TFDP1: variants seen among roughly 807,000 people sequenced by gnomAD.
TFDP1 encodes transcription factor Dp-1, also known as DRTF1-polypeptide 1.
TFDP1 carries 6 observed loss-of-function variants against 48.0 expected under a neutral mutation model. That is an observed-to-expected ratio of 0.13 (90% CI 0.07 to 0.25). The LOEUF (loss-of-function observed/expected upper bound fraction) is 0.25. Among genes scored for constraint, TFDP1 ranks in the 10% least tolerant of loss-of-function variants. The pLI is 1.00. For missense variants in TFDP1, 335 were observed against 543.0 expected (o/e 0.62, Z 3.81); for synonymous variants, 201 against 211.6 (o/e 0.95, Z 0.44).
intron 11 of TFDP1, among the ~76,000 whole-genome samples, chr13:113,639,778 C>T (rs4150822): frequency 5.3e-5 from 8 of 152,252 alleles, no homozygotes; most frequent in East Asian, 1.9e-4. Flanking sequence ...GTGAAAGTCC[C>T]GGAGGGAGGG....
At position 113,626,362 on chromosome 13, in the gene TFDP1, C is replaced by T. The variant is rs557226201; in HGVS notation, c.186+3076C>T. ...ATTTTATATGCATTCCTGCTATTTCCGTTTATTTAAATATGCTTGAAATTC... is the reference window on the plus strand; with the variant it reads ...ATTTTATATGCATTCCTGCTATTTCTGTTTATTTAAATATGCTTGAAATTC... On this transcript the variant is annotated intron_variant, in intron 4 of 11. Transcript: ENST00000375370. Among the ~76,000 whole-genome samples, 24 of 152,238 alleles carry T rather than the reference C, an allele frequency of 1.6e-4. No individual in the cohort carries two copies. In the East Asian group the frequency reaches 3.3e-3, roughly 21 times the overall value.
At chr13:113,613,153 A>G (rs1391840464) in intron 3 of TFDP1, among the ~76,000 whole-genome samples, 1 of 152,116 alleles carries the variant, frequency 6.6e-6, no homozygotes, top group East Asian at 1.9e-4. Context: ...AGTAGCTGGG[A>G]TTAGAGGTGC....
At chr13:113,611,788 G>A (rs1365109312) in intron 3 of TFDP1, among the ~76,000 whole-genome samples, 1 of 151,404 alleles carries the variant, frequency 6.6e-6, no homozygotes. Context: ...ATCTGGGATT[G>A]CGTGCAGGGT....
chr13:113,601,484 C>T (rs1052423278), intron 2 of TFDP1, among the ~76,000 whole-genome samples: 2 of 152,228 alleles, frequency 1.3e-5, no homozygotes, highest in African/African-American at 2.4e-5. Flanking sequence ...CTTGAGGCCA[C>T]CCTCACCCTC....
At chr13:113,605,799 A>G (rs1265353286) in intron 2 of TFDP1, among the ~76,000 whole-genome samples, 1 of 152,090 alleles carries the variant, frequency 6.6e-6, no homozygotes, top group Non-Finnish European at 1.5e-5. Context: ...AGAAGGTGGC[A>G]CGGTGGTGAG....
chr13:113,584,792 C>G lies in TFDP1; in HGVS notation c.-161C>G, dbSNP rs2047952436. Reference sequence around the variant, plus strand: ...AGGGACCCCGCCACGGCCGGGACCGCCCGGCCCGGCCCCAGCCCGCGCCTC... The same window carrying G: ...AGGGACCCCGCCACGGCCGGGACCGGCCGGCCCGGCCCCAGCCCGCGCCTC... On this transcript the variant is annotated 5_prime_UTR_variant, in exon 1 of 12. Coordinates refer to ENST00000375370, the MANE Select transcript of TFDP1 (RefSeq NM_007111.5). 6.8e-6 allele frequency: 1 copy of G among 146,306 alleles called. No individual in the cohort carries two copies. The highest frequency in any genetic ancestry group is 1.5e-5 in the Non-Finnish European group (1 of 65,854). 9.1% of individuals were successfully genotyped at this position (146,306 alleles called of 1,614,324 possible). A position where few individuals can be genotyped will look rare whatever the true frequency, so the allele number is the denominator to read the frequency against.
At chr13:113,628,315 A>T (rs1379076688) in intron 4 of TFDP1, among the ~76,000 whole-genome samples, 1 of 149,152 alleles carries the variant, frequency 6.7e-6, no homozygotes, top group Non-Finnish European at 1.5e-5. Flanking sequence ...GGAGCCATGT[A>T]GACTGTGTCT....
At chr13:113,624,368 C>T (rs1267495206) in intron 4 of TFDP1, among the ~76,000 whole-genome samples, 1 of 151,532 alleles carries the variant, frequency 6.6e-6, no homozygotes, top group Non-Finnish European at 1.5e-5. Context: ...CAGGCATCCT[C>T]ACGTGTCCCC....
rs200455628 is a variant in TFDP1, at chr13:113,611,027, A to G, written c.44A>G (p.Lys15Arg). Residue 15 changes from lysine (K) to arginine (R), a missense_variant, in exon 3 of 12, where the codon AAG becomes AGG. Lys to Arg is a conservative substitution (Grantham distance 26). Around this residue, in one of 3 missense-constraint regions of TFDP1, gnomAD observed 103 missense variants for 140.4 expected, o/e 0.73. Coordinates refer to ENST00000375370, the MANE Select transcript of TFDP1 (RefSeq NM_007111.5). Reference sequence around the variant, plus strand: ...CTAATTGAAGCCAACGGAGAACTCAAGGTCTTCATAGACCAGAACCTTAGT... The same window carrying G: ...CTAATTGAAGCCAACGGAGAACTCAGGGTCTTCATAGACCAGAACCTTAGT... ...AGLIEANGEL[K>R]VFIDQNLSPG... 14 of 1,614,184 alleles carry G rather than the reference A, an allele frequency of 8.7e-6. No individual in the cohort carries two copies. The highest frequency in any genetic ancestry group is 2.7e-5 in the African/African-American group (2 of 75,054).
At chr13:113,618,926 A>G (rs964762173) in intron 3 of TFDP1, among the ~76,000 whole-genome samples, 5 of 152,208 alleles carry the variant, frequency 3.3e-5, no homozygotes, top group Non-Finnish European at 7.3e-5. Context: ...AAAAACAATC[A>G]TTTATAGCCT....
chr13:113,597,796 G>A (rs2048322306), intron 2 of TFDP1, among the ~76,000 whole-genome samples: 1 of 152,238 alleles, frequency 6.6e-6, no homozygotes, highest in Admixed American at 6.5e-5. Context: ...TGTCCAATGT[G>A]AGGGCTCTGA....
At position 113,623,765 on chromosome 13, in the gene TFDP1, G is replaced by A. The variant is rs2049052227; in HGVS notation, c.186+479G>A. Among the ~76,000 whole-genome samples, 1 of 152,180 alleles carries A rather than the reference G, an allele frequency of 6.6e-6. No homozygotes were observed. Among genetic ancestry groups the A allele is most frequent in the Non-Finnish European group, 1.5e-5 (1 of 68,022 alleles). On this transcript the variant is annotated intron_variant, in intron 4 of 11. Transcript: ENST00000375370. The surrounding 1 kb of genome is among the most constrained non-coding windows in gnomAD (Gnocchi z 5.2). ...TGACAGGGCAGATGCTGCTCCCTTG[G>A]CCACGCACAGGAGAGGGGAAGGTGG...
chr13:113,619,470 CA>C (rs950584099), intron 3 of TFDP1, among the ~76,000 whole-genome samples: 4 of 63,318 alleles, frequency 6.3e-5, no homozygotes, highest in African/African-American at 1.7e-4. Context: ...GACTCCATCT[CA>C]AAAAAAAAAC....
intron 2 of TFDP1, among the ~76,000 whole-genome samples, chr13:113,589,963 G>A (rs74116241): frequency 0.033 from 5,088 of 152,310 alleles, 259 homozygotes; most frequent in African/African-American, 0.11. Context: ...AAGTTTGTAA[G>A]TGGGAAGGCA....
intron 3 of TFDP1, among the ~76,000 whole-genome samples, chr13:113,612,806 T>C (rs920704110): frequency 3.9e-5 from 6 of 152,228 alleles, no homozygotes; most frequent in African/African-American, 1.4e-4. Context: ...AGGAACATAT[T>C]CTGCATTCAT....
chr13:113,636,474 C>T (rs566544858), intron 9 of TFDP1, 60 bp from the exon 10 acceptor site: 2 of 1,581,532 alleles, frequency 1.3e-6, no homozygotes, highest in East Asian at 2.2e-5. Flanking sequence ...TGGCTCCACC[C>T]CAGTGTGTAC....
rs147496697 is a variant in TFDP1 at position 113,621,617 on chromosome 13, G to A, written c.80-1563G>A. Among the ~76,000 whole-genome samples, 4 of 152,378 alleles carry A rather than the reference G, an allele frequency of 2.6e-5. No homozygotes were observed. In the East Asian group the frequency reaches 5.8e-4, roughly 22 times the overall value. Reference sequence around the variant, plus strand: ...AGGAGCTGAGGGGACATAGTGAGGAGTGACCAGAAGACGAGTGCGAGCCTT... The same window carrying A: ...AGGAGCTGAGGGGACATAGTGAGGAATGACCAGAAGACGAGTGCGAGCCTT... On this transcript the variant is annotated intron_variant, in intron 3 of 11. Transcript: ENST00000375370.
At chr13:113,636,846 A>AG in intron 10 of TFDP1, 146 bp downstream of exon 10, 1 of 991,772 alleles carries the variant, frequency 1.0e-6, no homozygotes, top group Non-Finnish European at 1.4e-6. Flanking sequence ...AGGGGCTGTG[A>AG]GGGGGATGAG....
chr13:113,619,470 C>CAAA (rs950584099), intron 3 of TFDP1, among the ~76,000 whole-genome samples: 16 of 63,262 alleles, frequency 2.5e-4, no homozygotes, highest in Admixed American at 4.8e-4. Context: ...GACTCCATCT[C>CAAA]AAAAAAAAAA....
Sources: allele counts gnomAD v4.1 joint callset (sites outside exome capture counted in the v4.1 genomes callset), GRCh38; gene constraint gnomAD v4.1.1; regional missense constraint gnomAD v4.1.1; non-coding constraint Gnocchi (gnomAD v3.1); transcripts MANE v1.5; gene names NCBI Gene and HGNC (gene_info 2026-07-23, HGNC 2026-07-21).